ITGA9: variants seen among roughly 807,000 people sequenced by gnomAD.
The protein encoded by ITGA9 is integrin subunit alpha 9.
ITGA9 carries 56 observed loss-of-function variants against 127.8 expected under a neutral mutation model. That is an observed-to-expected ratio of 0.44 (90% CI 0.35 to 0.55). ITGA9 has a LOEUF of 0.55. Ranked by LOEUF, ITGA9 falls within the 20% of genes least tolerant of loss-of-function variation. The pLI is 0.00. For missense variants in ITGA9, 1,196 were observed against 1,347.1 expected, an observed-to-expected ratio of 0.89 and a Z score of 1.76; for synonymous variants, 508 against 514.5, an observed-to-expected ratio of 0.99 and a Z score of 0.17.
At chr3:37,691,128 C>T (rs184742137) in intron 18 of ITGA9, among the ~76,000 whole-genome samples, 2 of 152,244 alleles carry the variant, frequency 1.3e-5, no homozygotes, top group African/African-American at 2.4e-5. Flanking sequence ...GCAGAGATGC[C>T]GTAATATAGC....
intron 18 of ITGA9, among the ~76,000 whole-genome samples, chr3:37,690,147 C>T (rs1191215326): frequency 6.6e-6 from 1 of 152,162 alleles, no homozygotes; most frequent in Non-Finnish European, 1.5e-5. Context: ...CAGCTGATTC[C>T]TACATTGCAG....
chr3:37,519,414 G>C (rs1699022547), intron 11 of ITGA9, 60 bp downstream of exon 11: 2 of 1,341,482 alleles, frequency 1.5e-6, no homozygotes, highest in Admixed American at 1.8e-5. Context: ...AACATGTATG[G>C]AACCTTCATT....
chr3:37,816,571 G>GT (rs1697435886), intron 27 of ITGA9, among the ~76,000 whole-genome samples: 2 of 152,150 alleles, frequency 1.3e-5, no homozygotes, highest in South Asian at 4.1e-4. Flanking sequence ...GTCTTGGTCC[G>GT]TTTTTCTGGC....
chr3:37,586,889 T>C (rs964926655), intron 15 of ITGA9, among the ~76,000 whole-genome samples: 12 of 152,194 alleles, frequency 7.9e-5, no homozygotes, highest in Admixed American at 2.6e-4. Flanking sequence ...CTTTTCTTCC[T>C]TTCCATCCCA....
intron 27 of ITGA9, chr3:37,818,555 G>C (rs367903474): frequency 3.0e-6 from 1 of 328,876 alleles, no homozygotes; most frequent in Non-Finnish European, 5.9e-6. Context: ...GAGCCACTGC[G>C]CCCAGCCATG....
intron 15 of ITGA9, among the ~76,000 whole-genome samples, chr3:37,606,126 T>C (rs1699966896): frequency 6.6e-6 from 1 of 152,240 alleles, no homozygotes; most frequent in African/African-American, 2.4e-5. Flanking sequence ...ATAAGTCTTA[T>C]ATGGCTTTGA....
chr3:37,797,762 GTC>G (rs1697191172), intron 26 of ITGA9, among the ~76,000 whole-genome samples: 1 of 151,930 alleles, frequency 6.6e-6, no homozygotes, highest in African/African-American at 2.4e-5. Context: ...GACTCACTGT[GTC>G]GCTCAGGCTG....
chr3:37,734,395 C>G (rs1269144090), intron 19 of ITGA9, among the ~76,000 whole-genome samples: 5 of 152,212 alleles, frequency 3.3e-5, no homozygotes, highest in Non-Finnish European at 7.3e-5. Context: ...AACTGGAAAA[C>G]TTGCAACAGT....
intron 22 of ITGA9, chr3:37,745,431 A>G (rs1387544934): frequency 6.6e-6 from 1 of 152,198 alleles, no homozygotes; most frequent in Non-Finnish European, 1.5e-5. Context: ...GCATTTCTGA[A>G]TTGCTTCTCA....
chr3:37,738,801 A>T (rs1255916610), intron 20 of ITGA9, among the ~76,000 whole-genome samples: 3 of 152,208 alleles, frequency 2.0e-5, no homozygotes, highest in African/African-American at 7.2e-5. Context: ...AAAATAGAAG[A>T]CACTTCCTGC....
chr3:37,672,128 G>A (rs925055222), intron 17 of ITGA9, among the ~76,000 whole-genome samples: 2 of 152,164 alleles, frequency 1.3e-5, no homozygotes, highest in Non-Finnish European at 2.9e-5. Context: ...CAGACTACTA[G>A]GTTGTGTATT....
intron 18 of ITGA9, among the ~76,000 whole-genome samples, chr3:37,703,311 A>C (rs926900643): frequency 3.9e-5 from 6 of 152,114 alleles, no homozygotes; most frequent in Non-Finnish European, 7.4e-5. Flanking sequence ...ATTTGTTCTG[A>C]GATTATTTGT....
intron 18 of ITGA9, 26 bp downstream of exon 18, chr3:37,684,041 A>G (rs112145302): frequency 6.2e-7 from 1 of 1,605,742 alleles, no homozygotes; most frequent in African/African-American, 1.3e-5. Flanking sequence ...CTGTAAAAAG[A>G]GCAGTTGTTC....
chr3:37,576,968 G>A (rs1699659687), intron 15 of ITGA9, among the ~76,000 whole-genome samples: 1 of 152,242 alleles, frequency 6.6e-6, no homozygotes, highest in South Asian at 2.1e-4. Context: ...AAGTCACCTT[G>A]CTCATTCACA....
chr3:37,642,211 G>A (rs1700340491), intron 16 of ITGA9, among the ~76,000 whole-genome samples: 1 of 152,180 alleles, frequency 6.6e-6, no homozygotes, highest in African/African-American at 2.4e-5. Context: ...CTCCCTAAGT[G>A]CTGGGATTAC....
At chr3:37,512,013 CTTTTCT>C (rs1286876457) in intron 8 of ITGA9, among the ~76,000 whole-genome samples, 8 of 35,490 alleles carry the variant, frequency 2.3e-4, no homozygotes, top group Admixed American at 1.5e-3. Flanking sequence ...CTTTTCTTTT[CTTTTCT>C]TTTCTTTTCT....
intron 18 of ITGA9, among the ~76,000 whole-genome samples, chr3:37,700,538 G>A (rs1408004728): frequency 6.6e-6 from 1 of 151,454 alleles, no homozygotes; most frequent in African/African-American, 2.4e-5. Context: ...CTGTAGAGAT[G>A]GGGGTTTTGC....
chr3:37,584,546 A>AGAGATT (rs1416467118), intron 15 of ITGA9, among the ~76,000 whole-genome samples: 3 of 152,088 alleles, frequency 2.0e-5, no homozygotes, highest in Non-Finnish European at 2.9e-5. Context: ...CATGAGGTCA[A>AGAGATT]GAGATTGAGA....
rs1579033445 is a variant in ITGA9, at chr3:37,453,094, A to C, written c.185+535A>C. ...GGGTGTCTGGGATCCACTGGGGCGC[A>C]CTGGAGCCCAGAGCCCCGGCGCCCC... is the stretch of plus-strand genomic sequence containing the variant. On this transcript the variant is annotated intron_variant, in intron 1 of 27. Transcript: ENST00000264741. Among the ~76,000 whole-genome samples the C allele has an allele frequency of 2.3e-5, 3 of 132,048 alleles. No individual in the cohort carries two copies. In the East Asian group the frequency reaches 7.1e-4, roughly 31 times the overall value. 86.6% of individuals were successfully genotyped at this position (132,048 alleles called of 152,430 possible).
Sources: allele counts gnomAD v4.1 joint callset (sites outside exome capture counted in the v4.1 genomes callset), GRCh38; gene constraint gnomAD v4.1.1; transcripts MANE v1.5; gene names NCBI Gene and HGNC (gene_info 2026-07-23, HGNC 2026-07-21).